The following SND1 variants were observed in gnomAD, a reference collection of about 807,000 sequenced individuals.
The protein encoded by SND1 is staphylococcal nuclease and tudor domain containing 1, also known as staphylococcal nuclease domain-containing protein 1.
A neutral mutation model predicts 121.7 loss-of-function variants in SND1; 38 were observed. The observed-to-expected ratio is 0.31, with a 90% CI of 0.24 to 0.41. The LOEUF is 0.41. Among genes scored for constraint, SND1 ranks in the 10% least tolerant of loss-of-function variants. SND1 has a pLI of 1.00. For synonymous variants in SND1, 401 were observed against 447.4 expected (o/e 0.90, Z 1.31); for missense variants, 868 against 1,184.6 (o/e 0.73, Z 3.92).
intron 12 of SND1, among the ~76,000 whole-genome samples, chr7:127,862,114 G>A (rs1177134376): frequency 6.6e-6 from 1 of 152,154 alleles, no homozygotes; most frequent in Non-Finnish European, 1.5e-5. Context: ...CTTTTTTAAT[G>A]TATGGCAGCT....
At chr7:127,655,148 A>G (rs1795189090) in intron 1 of SND1, among the ~76,000 whole-genome samples, 1 of 152,216 alleles carries the variant, frequency 6.6e-6, no homozygotes, top group South Asian at 2.1e-4. Context: ...GGCTGAGCTG[A>G]AGGTCTGAAA....
At chr7:128,031,244 G>A (rs1341947577) in intron 16 of SND1, among the ~76,000 whole-genome samples, 1 of 151,992 alleles carries the variant, frequency 6.6e-6, no homozygotes, top group Non-Finnish European at 1.5e-5. Context: ...CTTGGACCCT[G>A]GCACCGGCTC....
rs976915971 is a variant in SND1 at position 128,092,581 on chromosome 7, C to T, written c.*523C>T. On this transcript the variant is annotated 3_prime_UTR_variant, in exon 24 of 24. Transcript: ENST00000354725. The surrounding 1 kb of genome is among the most constrained non-coding windows in gnomAD (Gnocchi z 4.9). ...GCTTTTGAGGCCCAATAAAATAGTACGTGCTGTCTGCAGCCCTTATTGATC... is the reference window on the plus strand; with the variant it reads ...GCTTTTGAGGCCCAATAAAATAGTATGTGCTGTCTGCAGCCCTTATTGATC... The T allele has an allele frequency of 1.1e-4, 17 of 160,274 alleles. No homozygotes were observed. Among genetic ancestry groups the T allele is most frequent in the Admixed American group, 7.1e-4 (12 of 16,912 alleles). 9.9% of individuals were successfully genotyped at this position (160,274 alleles called of 1,614,324 possible).
intron 15 of SND1, among the ~76,000 whole-genome samples, chr7:127,988,870 G>C (rs1419496125): frequency 6.6e-6 from 1 of 152,156 alleles, no homozygotes; most frequent in African/African-American, 2.4e-5. Context: ...GAAACAAACT[G>C]AACACTTGTT....
chr7:127,938,607 A>G (rs533553158), intron 15 of SND1, among the ~76,000 whole-genome samples: 75 of 152,352 alleles, frequency 4.9e-4, no homozygotes, highest in African/African-American at 1.8e-3. Flanking sequence ...GTTGGCCTGT[A>G]TCAGATCTCA....
At chr7:127,960,500 T>C (rs1260071661) in intron 15 of SND1, among the ~76,000 whole-genome samples, 8 of 152,196 alleles carry the variant, frequency 5.3e-5, no homozygotes, top group Admixed American at 6.5e-5. Flanking sequence ...ATTACAGTCA[T>C]CTAGAAAAGG....
chr7:127,817,547 T>C (rs1248052114), intron 11 of SND1, among the ~76,000 whole-genome samples: 1 of 152,146 alleles, frequency 6.6e-6, no homozygotes, highest in African/African-American at 2.4e-5. Flanking sequence ...TAAATGATTA[T>C]ATAATAAAAA....
intron 17 of SND1, among the ~76,000 whole-genome samples, chr7:128,076,741 T>C (rs1297451695): frequency 6.6e-6 from 1 of 152,182 alleles, no homozygotes; most frequent in African/African-American, 2.4e-5. Flanking sequence ...CAAGGAAAGG[T>C]AATGCTGAGG....
intron 12 of SND1, among the ~76,000 whole-genome samples, chr7:127,854,025 C>G (rs1473381787): frequency 6.6e-6 from 1 of 152,092 alleles, no homozygotes; most frequent in Non-Finnish European, 1.5e-5. Flanking sequence ...CTAGTCTGAC[C>G]CCATCTGCTT....
At chr7:127,834,908 G>GA (rs534615402) in intron 11 of SND1, among the ~76,000 whole-genome samples, 63 of 152,264 alleles carry the variant, frequency 4.1e-4, no homozygotes, top group African/African-American at 1.3e-3. Context: ...GCATGCTGGA[G>GA]AAATGGGAGT....
At chr7:127,955,008 A>G (rs1163182241) in intron 15 of SND1, among the ~76,000 whole-genome samples, 3 of 152,064 alleles carry the variant, frequency 2.0e-5, no homozygotes, top group Admixed American at 6.6e-5. Context: ...CCAATAAAGA[A>G]TCTCCTCCCT....
At chr7:127,806,605 T>C (rs1329216762) in intron 10 of SND1, among the ~76,000 whole-genome samples, 2 of 152,220 alleles carry the variant, frequency 1.3e-5, no homozygotes, top group African/African-American at 4.8e-5. Flanking sequence ...TCCACTTCCC[T>C]GAACACTTAT....
intron 10 of SND1, among the ~76,000 whole-genome samples, chr7:127,788,052 A>ACC (rs1288553770): frequency 6.6e-6 from 1 of 152,212 alleles, no homozygotes; most frequent in Non-Finnish European, 1.5e-5. Flanking sequence ...GTTGAATATG[A>ACC]ATGTTACAAT....
chr7:128,065,487 G>C (rs916226512), intron 16 of SND1, among the ~76,000 whole-genome samples: 13 of 152,238 alleles, frequency 8.5e-5, no homozygotes, highest in Admixed American at 7.2e-4. Context: ...CTGCAGAGGG[G>C]AACTGACACG....
chr7:128,070,547 C>T (rs1793393068), intron 16 of SND1, among the ~76,000 whole-genome samples: 1 of 152,188 alleles, frequency 6.6e-6, no homozygotes, highest in African/African-American at 2.4e-5. Flanking sequence ...CCAAGATGCC[C>T]AAGAGATGAG....
intron 15 of SND1, among the ~76,000 whole-genome samples, chr7:127,940,361 T>C (rs965683258): frequency 6.6e-6 from 1 of 152,312 alleles, no homozygotes; most frequent in South Asian, 2.1e-4. Context: ...CACTTAGTAG[T>C]AATGTTGACA....
chr7:127,800,109 C>A (rs1449209328), intron 10 of SND1, among the ~76,000 whole-genome samples: 1 of 152,180 alleles, frequency 6.6e-6, no homozygotes, highest in Non-Finnish European at 1.5e-5. Flanking sequence ...TGTAAATATG[C>A]CCAGGGCATG....
chr7:127,702,634 C>T, intron 6 of SND1, 108 bp downstream of exon 6: 1 of 841,770 alleles, frequency 1.2e-6, no homozygotes, highest in East Asian at 2.5e-5. Context: ...TAATGTGGGC[C>T]ATTAACATTG....
At chr7:127,786,893 C>T (rs1172685615) in intron 10 of SND1, among the ~76,000 whole-genome samples, 2 of 152,188 alleles carry the variant, frequency 1.3e-5, no homozygotes, top group East Asian at 1.9e-4. Flanking sequence ...CCGCCCATCT[C>T]GGCCTCCCAA....
Sources: gnomAD v4.1 joint callset for allele counts (sites outside exome capture counted in the v4.1 genomes callset) on GRCh38, gnomAD v4.1.1 for gene constraint, Gnocchi (gnomAD v3.1) non-coding constraint, MANE v1.5 for transcripts, NCBI Gene and HGNC (gene_info 2026-07-23, HGNC 2026-07-21) for gene names.